WDR33: variants seen among roughly 807,000 people sequenced by gnomAD.
The protein encoded by WDR33 is WD repeat domain 33.
Under a neutral mutation model 164.9 loss-of-function variants are expected in WDR33, and 47 were observed. The observed-to-expected ratio is 0.29, with a 90% CI of 0.23 to 0.36. The LOEUF is 0.36. Among genes scored for constraint, WDR33 ranks in the 10% least tolerant of loss-of-function variants. WDR33 has a pLI of 1.00. For synonymous variants in WDR33, 505 were observed against 589.0 expected, an observed-to-expected ratio of 0.86 and a Z score of 2.06; for missense variants, 1,137 against 1,754.1, an observed-to-expected ratio of 0.65 and a Z score of 6.28.
chr2:127,762,590 T>G, intron 7 of WDR33: 1 of 986,244 alleles, frequency 1.0e-6, no homozygotes, highest in African/African-American at 1.7e-5. Flanking sequence ...GCCGGCCATG[T>G]AGTACAAATG....
intron 1 of WDR33, among the ~76,000 whole-genome samples, chr2:127,795,429 T>C (rs1689005403): frequency 6.6e-6 from 1 of 151,962 alleles, no homozygotes; most frequent in Non-Finnish European, 1.5e-5. Flanking sequence ...CTGAAGGTCC[T>C]AATACCCTGA....
intron 7 of WDR33, among the ~76,000 whole-genome samples, chr2:127,728,949 T>C (rs2105388600): frequency 6.6e-6 from 1 of 152,318 alleles, no homozygotes; most frequent in East Asian, 1.9e-4. Context: ...ACAAAAAAAC[T>C]ATGAACCCAA....
chr2:127,799,327 G>GA (rs1258215383), intron 1 of WDR33, among the ~76,000 whole-genome samples: 1 of 151,774 alleles, frequency 6.6e-6, no homozygotes, highest in Non-Finnish European at 1.5e-5. Flanking sequence ...CATGACTTGG[G>GA]AAAAAAAGTT....
At chr2:127,796,977 C>G (rs1217500135) in intron 1 of WDR33, among the ~76,000 whole-genome samples, 1 of 151,988 alleles carries the variant, frequency 6.6e-6, no homozygotes, top group African/African-American at 2.4e-5. Context: ...TACCTACTTG[C>G]TAAAATTGAC....
chr2:127,711,780 A>ATATATTTTTTTT, intron 18 of WDR33, among the ~76,000 whole-genome samples: 1 of 88,318 alleles, frequency 1.1e-5, no homozygotes. Context: ...ATATATATAT[A>ATATATTTTTTTT]TTTTTTTTTT....
Position 127,722,004 on chromosome 2 carries a change from A to T in WDR33, c.1519-16T>A. ...GCATCCAAGCCTTGGGAAAGAAGAG[A>T]ATATTAAAATGTACGCTAAGTATGA... On this transcript the variant is annotated splice_polypyrimidine_tract_variant and intron_variant, in intron 14 of 21. Transcript: ENST00000322313. The surrounding 1 kb of genome is among the most constrained non-coding windows in gnomAD (Gnocchi z 5.1). The T allele has an allele frequency of 1.2e-6, 2 of 1,607,348 alleles. No individual in the cohort carries two copies. Among genetic ancestry groups the T allele is most frequent in the Non-Finnish European group, 1.7e-6 (2 of 1,178,656 alleles).
In WDR33 at chr2:127,775,034, G is replaced by A. The variant is rs576701220; in HGVS notation, c.-23-4030C>T. ...TTAAAATAGAATTTCCTTTTGGGATGATGAAAATGTCTTGCAACCTGACAG... is the reference window on the plus strand; with the variant it reads ...TTAAAATAGAATTTCCTTTTGGGATAATGAAAATGTCTTGCAACCTGACAG... On this transcript the variant is annotated intron_variant, in intron 1 of 21. Transcript: ENST00000322313. 2.0e-5 allele frequency among the ~76,000 whole-genome samples: 3 copies of A among 152,256 alleles called. No individual in the cohort carries two copies. The South Asian group carries it at 6.2e-4, about 32-fold the overall frequency.
chr2:127,761,774 T>C (rs763138772), intron 7 of WDR33, among the ~76,000 whole-genome samples: 3 of 152,172 alleles, frequency 2.0e-5, no homozygotes, highest in African/African-American at 7.2e-5. Flanking sequence ...AAAGTCTCTG[T>C]CTCGTTCTGA....
Position 127,708,840 on chromosome 2 carries a change from G to A in WDR33, c.3618C>T (p.His1206=), listed in dbSNP as rs143968708. The change falls in exon 21 of 22, where the codon CAC becomes CAT. Residue 1206 remains histidine, a synonymous_variant. Transcript: ENST00000322313. The surrounding 1 kb of genome is among the most constrained non-coding windows in gnomAD (Gnocchi z 6.7). ...CTCTGCTGGCTGGGGAATGACCGTCGTGAGGGGGATGATCAGGGCGGGGAG... is the reference window on the plus strand; with the variant it reads ...CTCTGCTGGCTGGGGAATGACCGTCATGAGGGGGATGATCAGGGCGGGGAG... ...RDTPRPDHPP[H]DGHSPASRER... 93 of 1,610,898 alleles carry A rather than the reference G, an allele frequency of 5.8e-5. No homozygotes were observed. Among genetic ancestry groups the A allele is most frequent in the Middle Eastern group, 1.6e-4 (1 of 6,076 alleles).
Position 127,722,868 on chromosome 2 carries a change from C to A in WDR33, c.1378+90G>T. 7.1e-7 allele frequency: 1 copy of A among 1,410,744 alleles called. No homozygotes were observed. Among genetic ancestry groups the A allele is most frequent in the South Asian group, 1.4e-5 (1 of 71,938 alleles). The allele number at this position is 1,410,744 out of a possible 1,614,324, so 87.4% of individuals were successfully genotyped here. A position where few individuals can be genotyped will look rare whatever the true frequency, so the allele number is the denominator to read the frequency against. On this transcript the variant is annotated intron_variant, in intron 13 of 21. Transcript: ENST00000322313. The surrounding 1 kb of genome is among the most constrained non-coding windows in gnomAD (Gnocchi z 5.1). ...TTTATCAACATTTCTCAACATAAATCATTTTGGTATTTCAATATATTTATC... is the reference window on the plus strand; with the variant it reads ...TTTATCAACATTTCTCAACATAAATAATTTTGGTATTTCAATATATTTATC...
rs954789226 is a variant in WDR33, at chr2:127,709,382, G to A, written c.3565+108C>T. 3 of 1,060,510 alleles carry A rather than the reference G, an allele frequency of 2.8e-6. No individual in the cohort carries two copies. The highest frequency in any genetic ancestry group is 4.3e-6 in the Non-Finnish European group (3 of 698,966). The allele number at this position is 1,060,510 out of a possible 1,614,324, so 65.7% of individuals were successfully genotyped here. A position where few individuals can be genotyped will look rare whatever the true frequency, so the allele number is the denominator to read the frequency against. ...GACAGGAGACAGCCCAGCCCCCCGG[G>A]AGACATGAGCTGGAAAGAGGAGACC... On this transcript the variant is annotated intron_variant, in intron 20 of 21. Transcript: ENST00000322313. This position sits in a 1 kb window ranked among gnomAD's most constrained non-coding sequence, Gnocchi z 5.0.
intron 7 of WDR33, chr2:127,737,756 T>A (rs914664938): frequency 8.2e-7 from 1 of 1,224,948 alleles, no homozygotes; most frequent in East Asian, 3.7e-5. Flanking sequence ...GCAGTCCTTT[T>A]GAAAGCAAGG....
rs1208595726 is a variant in WDR33, at chr2:127,720,975, G to T, written c.1672-622C>A. 6.6e-6 allele frequency among the ~76,000 whole-genome samples: 1 copy of T among 152,170 alleles called. No individual in the cohort carries two copies. Among genetic ancestry groups the T allele is most frequent in the Non-Finnish European group, 1.5e-5 (1 of 68,018 alleles). On this transcript the variant is annotated intron_variant, in intron 15 of 21. Coordinates refer to ENST00000322313, the MANE Select transcript of WDR33 (RefSeq NM_018383.5). This position sits in a 1 kb window ranked among gnomAD's most constrained non-coding sequence, Gnocchi z 5.9. ...AATAAGAACAAGCTACCTGCTATATGAGCAGACAAAAAGGAAAAACTCTTT... is the reference window on the plus strand; with the variant it reads ...AATAAGAACAAGCTACCTGCTATATTAGCAGACAAAAAGGAAAAACTCTTT...
intron 4 of WDR33, among the ~76,000 whole-genome samples, chr2:127,765,627 G>A (rs1454263651): frequency 6.6e-6 from 1 of 151,984 alleles, no homozygotes; most frequent in Non-Finnish European, 1.5e-5. Flanking sequence ...AAGGTGATCA[G>A]TCACCAGAAC....
At chr2:127,762,934 C>T (rs1354991558) in intron 7 of WDR33, 128 bp downstream of exon 7, 5 of 1,483,218 alleles carry the variant, frequency 3.4e-6, no homozygotes, top group East Asian at 5.0e-5. Flanking sequence ...TTTTGAAGAG[C>T]CTGAGACGGT....
At position 127,722,922 on chromosome 2, in the gene WDR33, T is replaced by A; in HGVS notation, c.1378+36A>T. On this transcript the variant is annotated intron_variant, in intron 13 of 21. Transcript: ENST00000322313. The surrounding 1 kb of genome is among the most constrained non-coding windows in gnomAD (Gnocchi z 5.1). ...AACATAAACGGGTCAAGAAAAAATT[T>A]GTAAAAATTAAATGTGTCTGTGTAA... The A allele has an allele frequency of 1.9e-6, 3 of 1,566,286 alleles. No homozygotes were observed. The highest frequency in any genetic ancestry group is 2.6e-6 in the Non-Finnish European group (3 of 1,158,394).
In WDR33 at chr2:127,721,797, TA is replaced by T. The variant is rs1686446616; in HGVS notation, c.1671+38del. 2 of 1,578,332 alleles carry T rather than the reference TA, an allele frequency of 1.3e-6. No homozygotes were observed. The highest frequency in any genetic ancestry group is 2.4e-5 in the South Asian group (2 of 84,882). On this transcript the variant is annotated intron_variant, in intron 15 of 21. Transcript: ENST00000322313. The surrounding 1 kb of genome is among the most constrained non-coding windows in gnomAD (Gnocchi z 4.9). ...AATAAAAATGTCACCACTACCCTCT[TA>T]GATCATCTTGAATTCCCCCCTACAG...
chr2:127,724,475 C>T lies in WDR33; in HGVS notation c.1086-32G>A, dbSNP rs2105384757. ...CAGCACCAAAGAGAGAAGATTTGTT[C>T]ACAAAAGTTACCCAGCTTCTCCCTC... On this transcript the variant is annotated intron_variant, in intron 10 of 21. Coordinates refer to ENST00000322313, the MANE Select transcript of WDR33 (RefSeq NM_018383.5). This position sits in a 1 kb window ranked among gnomAD's most constrained non-coding sequence, Gnocchi z 4.8. 1 of 1,590,116 alleles carries T rather than the reference C, an allele frequency of 6.3e-7. No homozygotes were observed. Among genetic ancestry groups the T allele is most frequent in the Non-Finnish European group, 8.6e-7 (1 of 1,160,846 alleles).
chr2:127,755,576 C>T (rs1366707443), intron 7 of WDR33, among the ~76,000 whole-genome samples: 14 of 152,194 alleles, frequency 9.2e-5, no homozygotes. Context: ...AGCAGTAAGG[C>T]TTTCTCCAAG....
Sources: gnomAD v4.1 joint callset for allele counts (sites outside exome capture counted in the v4.1 genomes callset) on GRCh38, gnomAD v4.1.1 for gene constraint, Gnocchi (gnomAD v3.1) non-coding constraint, MANE v1.5 for transcripts, NCBI Gene and HGNC (gene_info 2026-07-23, HGNC 2026-07-21) for gene names.